The following LPP variants were observed in gnomAD, a reference collection of about 807,000 sequenced individuals.
LPP encodes the protein lipoma-preferred partner.
In LPP, 38 loss-of-function variants were observed where a neutral mutation model predicts 60.4. The observed-to-expected ratio is 0.63, with a 90% CI of 0.49 to 0.83. The LOEUF is 0.83. Ranked by LOEUF, LPP falls within the 40% of genes least tolerant of loss-of-function variation. The pLI, the probability that LPP is intolerant of heterozygous loss-of-function variation, is 0.00. For synonymous variants in LPP, 328 were observed against 290.8 expected, an observed-to-expected ratio of 1.13 and a Z score of -1.30; for missense variants, 902 against 783.6, an observed-to-expected ratio of 1.15 and a Z score of -1.80.
intron 9 of LPP, among the ~76,000 whole-genome samples, chr3:188,773,436 A>C (rs893590244): frequency 2.6e-5 from 4 of 152,140 alleles, no homozygotes; most frequent in Non-Finnish European, 5.9e-5. Flanking sequence ...AGAGCGAGGA[A>C]TGCCTTGCTT....
At chr3:188,707,403 CT>C (rs924400251) in intron 7 of LPP, among the ~76,000 whole-genome samples, 2 of 152,174 alleles carry the variant, frequency 1.3e-5, no homozygotes, top group African/African-American at 4.8e-5. Context: ...CCCTGCCCCC[CT>C]GCCCAACCTG....
intron 4 of LPP, among the ~76,000 whole-genome samples, chr3:188,438,400 C>T (rs950552799): frequency 2.0e-5 from 3 of 148,278 alleles, no homozygotes; most frequent in African/African-American, 7.6e-5. Context: ...CACACACACA[C>T]AGTCTCATTT....
At chr3:188,725,490 A>G (rs1718041596) in intron 8 of LPP, 1 of 152,214 alleles carries the variant, frequency 6.6e-6, no homozygotes, top group Non-Finnish European at 1.5e-5. Flanking sequence ...TAGACAGACC[A>G]CACAGCATGT....
At chr3:188,507,248 G>A (rs1813788765) in intron 5 of LPP, among the ~76,000 whole-genome samples, 1 of 152,116 alleles carries the variant, frequency 6.6e-6, no homozygotes, top group Non-Finnish European at 1.5e-5. Flanking sequence ...ATGCTTTTGG[G>A]GTTGTTGTAA....
intron 3 of LPP, among the ~76,000 whole-genome samples, chr3:188,395,615 T>A (rs1780751069): frequency 6.6e-6 from 1 of 152,090 alleles, no homozygotes; most frequent in South Asian, 2.1e-4. Flanking sequence ...ACAATAACAA[T>A]AAAATATTAA....
intron 6 of LPP, among the ~76,000 whole-genome samples, chr3:188,544,021 A>G (rs971176774): frequency 6.6e-6 from 1 of 152,202 alleles, no homozygotes; most frequent in Non-Finnish European, 1.5e-5. Flanking sequence ...GTAACAGGTA[A>G]TGAAAGGTAC....
intron 9 of LPP, among the ~76,000 whole-genome samples, chr3:188,851,130 A>G (rs1240511928): frequency 6.6e-6 from 1 of 152,240 alleles, no homozygotes; most frequent in Non-Finnish European, 1.5e-5. Context: ...AAGCAGCCTC[A>G]GGGGCTGGAA....
intron 4 of LPP, among the ~76,000 whole-genome samples, chr3:188,408,595 T>G (rs181582178): frequency 1.3e-5 from 2 of 152,182 alleles, no homozygotes; most frequent in Non-Finnish European, 2.9e-5. Context: ...TCGCTCCCTT[T>G]CCCGAGTTTC....
intron 2 of LPP, among the ~76,000 whole-genome samples, chr3:188,326,130 G>A (rs1186368555): frequency 6.6e-6 from 1 of 152,204 alleles, no homozygotes; most frequent in African/African-American, 2.4e-5. Context: ...TTCTTGAGGG[G>A]CACCTTGATG....
chr3:188,197,802 A>G (rs1295725249), intron 1 of LPP, among the ~76,000 whole-genome samples: 1 of 152,162 alleles, frequency 6.6e-6, no homozygotes, highest in African/African-American at 2.4e-5. Context: ...ATACCCAGAA[A>G]GCTCCCAAGG....
At chr3:188,731,184 A>ATGGCGGGG (rs1720337243) in intron 8 of LPP, among the ~76,000 whole-genome samples, 1 of 152,190 alleles carries the variant, frequency 6.6e-6, no homozygotes, top group Non-Finnish European at 1.5e-5. Context: ...TTCTAGACAT[A>ATGGCGGGG]ACAATCCTGG....
chr3:188,605,423 C>T (rs1842200505), intron 6 of LPP, among the ~76,000 whole-genome samples: 1 of 152,088 alleles, frequency 6.6e-6, no homozygotes, highest in African/African-American at 2.4e-5. Context: ...GATGAGAAAA[C>T]CAAATGAAAA....
chr3:188,881,589 G>A lies in LPP; in HGVS notation c.*7110G>A, dbSNP rs1376859124. The A allele has an allele frequency of 4.6e-6, 1 of 217,678 alleles. No homozygotes were observed. Among genetic ancestry groups the A allele is most frequent in the East Asian group, 6.8e-5 (1 of 14,702 alleles). 13.5% of individuals were successfully genotyped at this position (217,678 alleles called of 1,614,324 possible). Reference sequence around the variant, plus strand: ...GAAGTGTAAAAGCTACAGAAGGATAGAACTCCCATGTCTACAGACAGTTCT... The same window carrying A: ...GAAGTGTAAAAGCTACAGAAGGATAAAACTCCCATGTCTACAGACAGTTCT... On this transcript the variant is annotated 3_prime_UTR_variant, in exon 12 of 12. Coordinates refer to ENST00000617246, the MANE Select transcript of LPP (RefSeq NM_001375462.1).
chr3:188,216,930 G>A (rs760552201), intron 1 of LPP, among the ~76,000 whole-genome samples: 7 of 152,210 alleles, frequency 4.6e-5, no homozygotes, highest in South Asian at 2.1e-4. Context: ...TCTTCCATCC[G>A]TGGCATGTAT....
intron 7 of LPP, among the ~76,000 whole-genome samples, chr3:188,649,534 G>A (rs1458849085): frequency 1.3e-5 from 2 of 152,200 alleles, no homozygotes; most frequent in Non-Finnish European, 2.9e-5. Context: ...CATGCGGGAA[G>A]TGATAACCGC....
chr3:188,292,872 A>T (rs1746486299), intron 2 of LPP, among the ~76,000 whole-genome samples: 1 of 152,142 alleles, frequency 6.6e-6, no homozygotes. Context: ...TTTGAGGTCT[A>T]CGTCATCTGG....
At chr3:188,164,095 G>A (rs961840386) in intron 1 of LPP, among the ~76,000 whole-genome samples, 2 of 152,170 alleles carry the variant, frequency 1.3e-5, no homozygotes, top group East Asian at 1.9e-4. Context: ...TAATATAAGA[G>A]AGTGCCGTGG....
intron 2 of LPP, among the ~76,000 whole-genome samples, chr3:188,315,055 G>A (rs763995936): frequency 2.3e-4 from 34 of 149,488 alleles, no homozygotes; most frequent in Non-Finnish European, 4.6e-4. Flanking sequence ...TGAAGAATGT[G>A]TTTGCTCTTT....
chr3:188,296,248 T>C (rs1189611017), intron 2 of LPP, among the ~76,000 whole-genome samples: 3 of 152,160 alleles, frequency 2.0e-5, no homozygotes, highest in African/African-American at 4.8e-5. Context: ...TGGAGTCTTA[T>C]AGAGATTTGA....
Sources: allele counts gnomAD v4.1 joint callset (sites outside exome capture counted in the v4.1 genomes callset), GRCh38; gene constraint gnomAD v4.1.1; transcripts MANE v1.5; gene names NCBI Gene and HGNC (gene_info 2026-07-23, HGNC 2026-07-21).